Variants in RNF139 observed in about 807,000 individuals in gnomAD.
RNF139 encodes ring finger protein 139, also known as E3 ubiquitin-protein ligase RNF139.
RNF139 carries 15 observed loss-of-function variants against 49.5 expected under a neutral mutation model. The ratio of observed to expected loss-of-function variants is 0.30; its 90% confidence interval spans 0.20 to 0.47. RNF139 has a LOEUF of 0.47. Among genes scored for constraint, RNF139 ranks in the 20% least tolerant of loss-of-function variants. The probability of loss-of-function intolerance (pLI) is 1.00; values close to 1 mark genes in which losing one functional copy is unlikely to be tolerated. For missense variants in RNF139, 619 were observed against 806.3 expected, an observed-to-expected ratio of 0.77 and a Z score of 2.81; for synonymous variants, 325 against 300.9, an observed-to-expected ratio of 1.08 and a Z score of -0.83.
In RNF139 at chr8:124,488,386, T is replaced by C; in HGVS notation, c.*742T>C. 1 of 356,752 alleles carries C rather than the reference T, an allele frequency of 2.8e-6. No individual in the cohort carries two copies. 22.1% of individuals were successfully genotyped at this position (356,752 alleles called of 1,614,324 possible). A position where few individuals can be genotyped will look rare whatever the true frequency, so the allele number is the denominator to read the frequency against. ...ATATTACAAAACAAAAATAGTTTTT[T>C]TTAAATTGTTTTAAACTAAGATACT... On this transcript the variant is annotated 3_prime_UTR_variant, in exon 2 of 2. Coordinates refer to ENST00000303545, the MANE Select transcript of RNF139 (RefSeq NM_007218.4).
chr8:124,481,813 A>G (rs549599242), intron 1 of RNF139, among the ~76,000 whole-genome samples: 2 of 152,264 alleles, frequency 1.3e-5, no homozygotes, highest in East Asian at 3.9e-4. Context: ...AAATACCAAG[A>G]AAGGCTTTCA....
chr8:124,476,014 C>T (rs1036692829), intron 1 of RNF139, among the ~76,000 whole-genome samples: 1 of 152,186 alleles, frequency 6.6e-6, no homozygotes, highest in African/African-American at 2.4e-5. Flanking sequence ...TTCTTCCTTT[C>T]CATCTTCACT....
intron 1 of RNF139, among the ~76,000 whole-genome samples, chr8:124,478,244 G>T (rs753456846): frequency 6.8e-4 from 103 of 152,094 alleles, no homozygotes; most frequent in Non-Finnish European, 1.2e-3. Flanking sequence ...CAATAAGCAA[G>T]AGAAAAAGTA....
In RNF139 at chr8:124,487,112, T is replaced by C; in HGVS notation, c.1463T>C (p.Met488Thr). The change falls in exon 2 of 2, where the codon ATG (methionine) becomes ACG (threonine). Residue 488 changes from methionine to threonine, a missense_variant. This residue lies in a region of RNF139 where 530 missense variants were observed against 728.9 expected (regional missense o/e 0.73). Transcript: ENST00000303545. ...TTTGGAAATGGGGCTTACACTATGA[T>C]GTTTGAGTCGGGAAGTAAAATTCGG... ...VMFGNGAYTM[M>T]FESGSKIRAF... The C allele has an allele frequency of 1.9e-6, 3 of 1,613,952 alleles. No individual in the cohort carries two copies. The highest frequency in any genetic ancestry group is 2.5e-6 in the Non-Finnish European group (3 of 1,180,006).
At chr8:124,478,715 T>G (rs1816352780) in intron 1 of RNF139, among the ~76,000 whole-genome samples, 1 of 151,584 alleles carries the variant, frequency 6.6e-6, no homozygotes, top group Non-Finnish European at 1.5e-5. Context: ...TTATACAATT[T>G]TGGAAGACTT....
chr8:124,479,073 C>T (rs1816361773), intron 1 of RNF139, among the ~76,000 whole-genome samples: 1 of 152,004 alleles, frequency 6.6e-6, no homozygotes, highest in South Asian at 2.1e-4. Flanking sequence ...TATCAACTGT[C>T]ATTTACAACT....
intron 1 of RNF139, among the ~76,000 whole-genome samples, chr8:124,482,887 T>G (rs1586523785): frequency 2.1e-5 from 3 of 140,910 alleles, no homozygotes; most frequent in African/African-American, 5.4e-5. Flanking sequence ...GATCACGCCA[T>G]TGCACTCCAG....
chr8:124,482,940 A>T (rs1816443799), intron 1 of RNF139, among the ~76,000 whole-genome samples: 1 of 101,368 alleles, frequency 9.9e-6, no homozygotes, highest in Non-Finnish European at 2.0e-5. Context: ...AAATATAAAA[A>T]AAAATATATA....
chr8:124,482,386 A>C (rs772429142), intron 1 of RNF139, among the ~76,000 whole-genome samples: 13 of 152,114 alleles, frequency 8.5e-5, no homozygotes, highest in Non-Finnish European at 1.9e-4. Context: ...TGTGAATAGC[A>C]AGTTGACAAA....
intron 1 of RNF139, among the ~76,000 whole-genome samples, chr8:124,480,473 C>G (rs1816390382): frequency 6.6e-6 from 1 of 150,574 alleles, no homozygotes; most frequent in South Asian, 2.1e-4. Context: ...TTACATTTAC[C>G]CATTTATTAT....
chr8:124,483,073 T>TATTTAAATATATATA (rs374935639), intron 1 of RNF139, among the ~76,000 whole-genome samples: 1 of 37,638 alleles, frequency 2.7e-5, no homozygotes, highest in Non-Finnish European at 5.0e-5. Flanking sequence ...TATATATATA[T>TATTTAAATATATATA]TATTTAAATA....
In RNF139 at chr8:124,488,223, G is replaced by C. The variant is rs1816581800; in HGVS notation, c.*579G>C. Among the ~76,000 whole-genome samples, 3 of 152,212 alleles carry C rather than the reference G, an allele frequency of 2.0e-5. No individual in the cohort carries two copies. The highest frequency in any genetic ancestry group is 3.4e-3 in the Middle Eastern group (1 of 292). The stretch of plus-strand genomic sequence containing the variant: ...AGTCCTGATTCAGAGAGAGACTGAG[G>C]GTTGACAAATAAACTGTATCAACTA... On this transcript the variant is annotated 3_prime_UTR_variant, in exon 2 of 2. Coordinates refer to ENST00000303545, the MANE Select transcript of RNF139 (RefSeq NM_007218.4).
At chr8:124,483,598 A>C (rs1345468046) in intron 1 of RNF139, among the ~76,000 whole-genome samples, 3 of 151,874 alleles carry the variant, frequency 2.0e-5, no homozygotes, top group Non-Finnish European at 4.4e-5. Context: ...CCACCCTGGC[A>C]TATTTTTATA....
At chr8:124,478,848 T>G (rs1053167341) in intron 1 of RNF139, among the ~76,000 whole-genome samples, 3 of 148,302 alleles carry the variant, frequency 2.0e-5, no homozygotes, top group Admixed American at 6.8e-5. Flanking sequence ...GCCTCCCGAG[T>G]AGCTAGGATG....
intron 1 of RNF139, among the ~76,000 whole-genome samples, chr8:124,477,208 A>G (rs568402476): frequency 6.6e-6 from 1 of 152,218 alleles, no homozygotes; most frequent in Admixed American, 6.5e-5. Context: ...AGACTTTGAG[A>G]AATACGAAAT....
chr8:124,485,280 C>G (rs868862788), intron 1 of RNF139, among the ~76,000 whole-genome samples: 1 of 152,180 alleles, frequency 6.6e-6, no homozygotes, highest in African/African-American at 2.4e-5. Context: ...AGGAGAATTG[C>G]TTGAGCCTGG....
Position 124,486,477 on chromosome 8 carries a change from C to T in RNF139, c.828C>T (p.Leu276=). 2.5e-6 allele frequency: 4 copies of T among 1,614,130 alleles called. No homozygotes were observed. The highest frequency in any genetic ancestry group is 3.4e-6 in the Non-Finnish European group (4 of 1,180,012). The change falls in exon 2 of 2, where the codon CTC becomes CTT. Residue 276 remains leucine (L), a synonymous_variant. Transcript: ENST00000303545. ...TTTCTTGGGATGATTTTTGGGACCTCATTTGCAATCTTATAATTAGTGGGT... is the reference window on the plus strand; with the variant it reads ...TTTCTTGGGATGATTTTTGGGACCTTATTTGCAATCTTATAATTAGTGGGT... ...FFISWDDFWD[L]ICNLIISGCD...
chr8:124,482,890 C>T (rs1298289798), intron 1 of RNF139, among the ~76,000 whole-genome samples: 1 of 140,098 alleles, frequency 7.1e-6, no homozygotes, highest in Non-Finnish European at 1.5e-5. Context: ...CACGCCATTG[C>T]ACTCCAGCCT....
Position 124,486,069 on chromosome 8 carries a change from A to G in RNF139, c.420A>G (p.Gly140=), listed in dbSNP as rs753918030. 47 of 1,614,066 alleles carry G rather than the reference A, an allele frequency of 2.9e-5. No individual in the cohort carries two copies. Among genetic ancestry groups the G allele is most frequent in the Non-Finnish European group, 3.6e-5 (42 of 1,180,032 alleles). The change falls in exon 2 of 2, where the codon GGA becomes GGG. Residue 140 remains glycine (G), a synonymous_variant. Transcript: ENST00000303545. The part of the protein sequence containing the change: ...LIVLQLTFGI[G]YVTLLQIHSI... Reference sequence around the variant, plus strand: ...TTCTACAGCTAACATTTGGAATTGGATACGTTACACTACTCCAGATTCATT... The same window carrying G: ...TTCTACAGCTAACATTTGGAATTGGGTACGTTACACTACTCCAGATTCATT...
Sources: gnomAD v4.1 joint callset for allele counts (sites outside exome capture counted in the v4.1 genomes callset) on GRCh38, gnomAD v4.1.1 for gene constraint, gnomAD v4.1.1 regional missense constraint, MANE v1.5 for transcripts, NCBI Gene and HGNC (gene_info 2026-07-23, HGNC 2026-07-21) for gene names.